ULK4: variants seen among roughly 807,000 people sequenced by gnomAD.
ULK4 encodes inactive serine/threonine-protein kinase ULK4.
In ULK4, 133 loss-of-function variants were observed where a neutral mutation model predicts 160.6. The observed-to-expected ratio is 0.83, with a 90% CI of 0.72 to 0.96. ULK4 has a LOEUF of 0.96. Ranked by LOEUF, ULK4 falls within the 40% of genes least tolerant of loss-of-function variation. The pLI, the probability that ULK4 is intolerant of heterozygous loss-of-function variation, is 0.00. For missense variants in ULK4, 1,580 were observed against 1,499.5 expected (o/e 1.05, Z -0.89); for synonymous variants, 534 against 539.8 (o/e 0.99, Z 0.15).
intron 4 of ULK4, 141 bp from the exon 5 acceptor site, chr3:41,932,147 T>G (rs890426278): frequency 1.4e-6 from 1 of 703,802 alleles, no homozygotes; most frequent in African/African-American, 1.8e-5. Flanking sequence ...CTTATAATTT[T>G]TTTAAAAGCT....
rs574825485 is a variant in ULK4 at position 41,528,745 on chromosome 3, G to T, written c.3226+37280C>A. 2.0e-5 allele frequency among the ~76,000 whole-genome samples: 3 copies of T among 152,280 alleles called. No individual in the cohort carries two copies. In the East Asian group the frequency reaches 5.8e-4, roughly 29 times the overall value. On this transcript the variant is annotated intron_variant, in intron 32 of 36. Transcript: ENST00000301831. ...TTCCATTCAGAGATAACACTGTCAT[G>T]TATATATCGAGTTCAATAGAGGATT...
At position 41,496,004 on chromosome 3, in the gene ULK4, A is replaced by G. The variant is rs997218168; in HGVS notation, c.3227-32751T>C. ...TAGATAATACTTAATAAAATATTGT[A>G]TTTCTGTAGTGAAATACAACATTAA... On this transcript the variant is annotated intron_variant, in intron 32 of 36. Transcript: ENST00000301831. Among the ~76,000 whole-genome samples, 3 of 152,258 alleles carry G rather than the reference A, an allele frequency of 2.0e-5. No homozygotes were observed. The East Asian group carries it at 5.8e-4, about 29-fold the overall frequency.
intron 32 of ULK4, among the ~76,000 whole-genome samples, chr3:41,466,267 C>G (rs73828053): frequency 3.6e-4 from 55 of 152,224 alleles, no homozygotes; most frequent in African/African-American, 1.3e-3. Flanking sequence ...TCTGAGCATT[C>G]GGGGTGTTCA....
chr3:41,501,048 T>C (rs1044635907), intron 32 of ULK4, among the ~76,000 whole-genome samples: 1 of 152,106 alleles, frequency 6.6e-6, no homozygotes, highest in African/African-American at 2.4e-5. Context: ...AAGACCATAA[T>C]GAGATACCAC....
intron 35 of ULK4, among the ~76,000 whole-genome samples, chr3:41,386,128 A>G (rs77571150): frequency 6.6e-6 from 1 of 152,186 alleles, no homozygotes; most frequent in African/African-American, 2.4e-5. Context: ...GTTTGGCTCA[A>G]AACAGATGCT....
chr3:41,565,140 T>C (rs2087741031), intron 32 of ULK4, among the ~76,000 whole-genome samples: 1 of 152,224 alleles, frequency 6.6e-6, no homozygotes, highest in Non-Finnish European at 1.5e-5. Flanking sequence ...CATCTAGATT[T>C]GTGTAAGTAC....
At chr3:41,720,168 T>G (rs993148611) in intron 22 of ULK4, among the ~76,000 whole-genome samples, 6 of 152,148 alleles carry the variant, frequency 3.9e-5, no homozygotes, top group Non-Finnish European at 7.3e-5. Context: ...CCCAGTAAAC[T>G]TAAAAATACC....
At chr3:41,816,429 A>G (rs1466032775) in intron 19 of ULK4, among the ~76,000 whole-genome samples, 2 of 152,242 alleles carry the variant, frequency 1.3e-5, no homozygotes. Context: ...AGACTTCACA[A>G]GCACTTTTCA....
chr3:41,862,749 CAG>C lies in ULK4; in HGVS notation c.1656+21123_1656+21124del, dbSNP rs1317178992. On this transcript the variant is annotated intron_variant, in intron 17 of 36. Transcript: ENST00000301831. ...CTTCCCTTACTTTCTCCCGAACATACAGAGTCAGTCAGTCAGTCTCTCTCTCT... is the reference window on the plus strand; with the variant it reads ...CTTCCCTTACTTTCTCCCGAACATACAGTCAGTCAGTCAGTCTCTCTCTCT... Among the ~76,000 whole-genome samples the C allele has an allele frequency of 3.3e-5, 5 of 151,852 alleles. No individual in the cohort carries two copies. In the East Asian group the frequency reaches 5.8e-4, roughly 18 times the overall value.
rs67078042 is a variant in ULK4 at position 41,721,255 on chromosome 3, A to AT, written c.2322-3395dup. Reference sequence around the variant, plus strand: ...GCAGATGAGAAATTTTTCGCTTTGAATTTTTTTTTTTTTTTTTTTTTTTTT... The same window carrying AT: ...GCAGATGAGAAATTTTTCGCTTTGAATTTTTTTTTTTTTTTTTTTTTTTTTT... On this transcript the variant is annotated intron_variant, in intron 22 of 36. Coordinates refer to ENST00000301831, the MANE Select transcript of ULK4 (RefSeq NM_017886.4). Among the ~76,000 whole-genome samples the AT allele has an allele frequency of 2.2e-3, 97 of 45,040 alleles. 2 individuals are homozygous for AT. The highest frequency in any genetic ancestry group is 7.6e-3 in the African/African-American group (76 of 9,986). 29.5% of individuals were successfully genotyped at this position (45,040 alleles called of 152,430 possible).
intron 17 of ULK4, among the ~76,000 whole-genome samples, chr3:41,868,287 T>C (rs1365234520): frequency 6.6e-6 from 1 of 152,186 alleles, no homozygotes; most frequent in Non-Finnish European, 1.5e-5. Flanking sequence ...ACAGACAAAT[T>C]AAGGATTGTT....
At chr3:41,816,755 G>A (rs990160640) in intron 19 of ULK4, among the ~76,000 whole-genome samples, 2 of 152,126 alleles carry the variant, frequency 1.3e-5, no homozygotes, top group African/African-American at 4.8e-5. Context: ...AGGTTGCAGG[G>A]AGCCAGGATG....
intron 21 of ULK4, among the ~76,000 whole-genome samples, chr3:41,771,791 T>C (rs1286671395): frequency 1.3e-5 from 2 of 152,320 alleles, no homozygotes; most frequent in South Asian, 2.1e-4. Flanking sequence ...CAAGTACATA[T>C]ATAATACCAA....
At chr3:41,769,986 G>T (rs531370747) in intron 21 of ULK4, among the ~76,000 whole-genome samples, 1 of 152,212 alleles carries the variant, frequency 6.6e-6, no homozygotes, top group South Asian at 2.1e-4. Context: ...AATATTGAGG[G>T]AAACAAACAA....
At chr3:41,625,464 A>C (rs888494419) in intron 30 of ULK4, among the ~76,000 whole-genome samples, 3 of 152,170 alleles carry the variant, frequency 2.0e-5, no homozygotes, top group African/African-American at 7.2e-5. Flanking sequence ...ACGCACTCTG[A>C]ATTGTGGCGC....
At chr3:41,877,214 A>G (rs1716655) in intron 17 of ULK4, among the ~76,000 whole-genome samples, 104,622 of 152,012 alleles carry the variant, frequency 0.69, 39,403 homozygotes, top group East Asian at 0.83. Flanking sequence ...ATCCCAAGGG[A>G]AAAAAAGTAC....
At chr3:41,932,724 TG>T (rs1699640712) in intron 4 of ULK4, among the ~76,000 whole-genome samples, 1 of 152,282 alleles carries the variant, frequency 6.6e-6, no homozygotes, top group East Asian at 1.9e-4. Context: ...ATAGGTACAA[TG>T]GGTCAGGTGG....
chr3:41,531,390 G>A (rs920010893), intron 32 of ULK4, among the ~76,000 whole-genome samples: 34 of 140,808 alleles, frequency 2.4e-4, no homozygotes, highest in African/African-American at 8.5e-4. Flanking sequence ...GCAGTGAGCC[G>A]AGATCACTCC....
intron 35 of ULK4, among the ~76,000 whole-genome samples, chr3:41,293,851 G>A (rs1438770297): frequency 6.6e-6 from 1 of 152,216 alleles, no homozygotes; most frequent in African/African-American, 2.4e-5. Context: ...AGTAGGCATG[G>A]AAGGCTTCAT....
Sources: gnomAD v4.1 joint callset for allele counts (sites outside exome capture counted in the v4.1 genomes callset) on GRCh38, gnomAD v4.1.1 for gene constraint, MANE v1.5 for transcripts, NCBI Gene and HGNC (gene_info 2026-07-23, HGNC 2026-07-21) for gene names.